Variants in SUCO observed in about 807,000 individuals in gnomAD.
SUCO encodes the protein SUN domain-containing ossification factor.
SUCO carries 57 observed loss-of-function variants against 148.1 expected under a neutral mutation model. The ratio of observed to expected loss-of-function variants is 0.38; its 90% CI spans 0.31 to 0.48. SUCO has a LOEUF of 0.48. Ranked by LOEUF, SUCO falls within the 20% of genes least tolerant of loss-of-function variation. The pLI is 0.96. For synonymous variants in SUCO, 470 were observed against 502.7 expected, an observed-to-expected ratio of 0.93 and a Z score of 0.87; for missense variants, 1,331 against 1,468.2, an observed-to-expected ratio of 0.91 and a Z score of 1.53.
intron 2 of SUCO, 129 bp downstream of exon 2, chr1:172,551,755 G>A: frequency 1.7e-6 from 1 of 590,044 alleles, no homozygotes; most frequent in Non-Finnish European, 3.0e-6. Context: ...ATTTTTCTTT[G>A]CTATTACTCA....
chr1:172,544,456 G>T (rs1652715092), intron 1 of SUCO, among the ~76,000 whole-genome samples: 1 of 152,182 alleles, frequency 6.6e-6, no homozygotes, highest in Non-Finnish European at 1.5e-5. Context: ...ATAGCCAAAG[G>T]GCTGTGGGAA....
At chr1:172,575,731 C>T in intron 11 of SUCO, 108 bp downstream of exon 11, 1 of 642,636 alleles carries the variant, frequency 1.6e-6, no homozygotes, top group Non-Finnish European at 2.7e-6. Context: ...AAATAGACTA[C>T]ACTATACCAC....
In SUCO at chr1:172,588,177, G is replaced by A. The variant is rs117911445; in HGVS notation, c.1659-583G>A. Reference sequence around the variant, plus strand: ...TAATCCTATGTGTGTAGGTGTGTGTGTGCGTTGTGTGTTTAATGCTGTATT... The same window carrying A: ...TAATCCTATGTGTGTAGGTGTGTGTATGCGTTGTGTGTTTAATGCTGTATT... On this transcript the variant is annotated intron_variant, in intron 17 of 23. Coordinates refer to ENST00000263688, the MANE Select transcript of SUCO (RefSeq NM_014283.5). 4 of 985,350 alleles carry A rather than the reference G, an allele frequency of 4.1e-6. No homozygotes were observed. The East Asian group carries it at 4.5e-4, about 112-fold the overall frequency. The allele number at this position is 985,350 out of a possible 1,614,324, so 61.0% of individuals were successfully genotyped here.
intron 10 of SUCO, 107 bp from the exon 11 acceptor site, chr1:172,575,411 G>C: frequency 1.5e-6 from 1 of 684,394 alleles, no homozygotes; most frequent in South Asian, 2.0e-5. Flanking sequence ...TGTTAAGTCA[G>C]CGTGTTCACC....
chr1:172,608,922 A>G (rs1571305084), intron 23 of SUCO, 120 bp downstream of exon 23: 5 of 722,092 alleles, frequency 6.9e-6, no homozygotes, highest in South Asian at 1.8e-5. Flanking sequence ...TTTATTTTCT[A>G]TCATGATAAT....
chr1:172,533,611 C>T (rs562162216), intron 1 of SUCO, 114 bp downstream of exon 1: 68 of 1,326,306 alleles, frequency 5.1e-5, no homozygotes, highest in Non-Finnish European at 6.6e-5. Context: ...CCAAGGCCCC[C>T]GTGGAAGGGA....
chr1:172,588,208 T>C, intron 17 of SUCO: 1 of 985,298 alleles, frequency 1.0e-6, no homozygotes, highest in Non-Finnish European at 1.2e-6. Context: ...GTATTGGAGT[T>C]CCTCAAATCA....
intron 1 of SUCO, among the ~76,000 whole-genome samples, chr1:172,546,311 G>A (rs1652851774): frequency 1.3e-5 from 2 of 152,158 alleles, no homozygotes; most frequent in Middle Eastern, 6.8e-3. Flanking sequence ...ATATTGCTAC[G>A]TTTCATGTTT....
At chr1:172,600,529 CTA>C (rs1022746482) in intron 20 of SUCO, among the ~76,000 whole-genome samples, 1 of 152,082 alleles carries the variant, frequency 6.6e-6, no homozygotes, top group African/African-American at 2.4e-5. Flanking sequence ...TATTGAGCAT[CTA>C]GTGTATGTGA....
chr1:172,560,705 C>T (rs1462130238), intron 6 of SUCO, among the ~76,000 whole-genome samples: 1 of 152,164 alleles, frequency 6.6e-6, no homozygotes, highest in Non-Finnish European at 1.5e-5. Flanking sequence ...CATGTATTCA[C>T]CTCAGTTCCA....
At chr1:172,547,577 A>G (rs1303017193) in intron 1 of SUCO, among the ~76,000 whole-genome samples, 1 of 152,190 alleles carries the variant, frequency 6.6e-6, no homozygotes, top group African/African-American at 2.4e-5. Context: ...CTCACATAAG[A>G]ACCATATTAT....
At chr1:172,557,522 A>G in intron 5 of SUCO, 105 bp downstream of exon 5, 1 of 1,508,048 alleles carries the variant, frequency 6.6e-7, no homozygotes, top group Non-Finnish European at 9.0e-7. Context: ...ATTGAGAGAA[A>G]GCTGATCTCT....
intron 18 of SUCO, chr1:172,590,156 T>G (rs948157835): frequency 3.8e-6 from 1 of 263,420 alleles, no homozygotes; most frequent in Admixed American, 6.5e-5. Flanking sequence ...ACACTTTTAT[T>G]AGGCTGGCAA....
In SUCO at chr1:172,557,812, A is replaced by G. The variant is rs1476218166; in HGVS notation, c.732+18A>G. 3 of 1,549,928 alleles carry G rather than the reference A, an allele frequency of 1.9e-6. No individual in the cohort carries two copies. Among genetic ancestry groups the G allele is most frequent in the East Asian group, 4.5e-5 (2 of 44,098 alleles). On this transcript the variant is annotated intron_variant, in intron 6 of 23. Coordinates refer to ENST00000263688, the MANE Select transcript of SUCO (RefSeq NM_014283.5). ...AAAATGAGGTAGGTATATAACTTGC[A>G]CTATCTCTTACTTCTTTATGTAATG...
Position 172,569,074 on chromosome 1 carries a change from A to G in SUCO, c.788A>G (p.Lys263Arg), listed in dbSNP as rs373614252. The G allele has an allele frequency of 1.9e-6, 3 of 1,596,830 alleles. No individual in the cohort carries two copies. The highest frequency in any genetic ancestry group is 2.3e-5 in the South Asian group (2 of 87,176). ...DIDPTSVASP[K>R]DPEDIPTFDE... ...GACCCTACATCAGTAGCAAGTCCCA[A>G]AGATCCAGAAGATATACCAACATTT... The change falls in exon 7 of 24, where the codon AAA becomes AGA. Residue 263 changes from lysine (K) to arginine (R), a missense_variant. Physicochemically the swap from Lys to Arg is conservative, Grantham distance 26 (BLOSUM62 2). This residue lies in a region of SUCO where 992 missense variants were observed against 1,093.5 expected (regional missense o/e 0.91). Coordinates refer to ENST00000263688, the MANE Select transcript of SUCO (RefSeq NM_014283.5).
intron 1 of SUCO, among the ~76,000 whole-genome samples, chr1:172,547,048 C>A (rs1372753826): frequency 3.9e-5 from 6 of 152,180 alleles, no homozygotes; most frequent in African/African-American, 1.4e-4. Context: ...CTCTCATGTC[C>A]CTTTCTGGTG....
At chr1:172,569,493 C>G (rs971311888) in intron 7 of SUCO, 1 of 982,186 alleles carries the variant, frequency 1.0e-6, no homozygotes. Flanking sequence ...TTAAAATATT[C>G]TTTAACTTAC....
chr1:172,584,281 A>G, intron 15 of SUCO: 1 of 403,220 alleles, frequency 2.5e-6, no homozygotes, highest in African/African-American at 2.2e-5. Context: ...TAGGAAAAGC[A>G]TTTGCTTTTT....
At position 172,569,062 on chromosome 1, in the gene SUCO, T is replaced by C. The variant is rs780853644; in HGVS notation, c.776T>C (p.Val259Ala). ...TKPGDIDPTS[V>A]ASPKDPEDIP... is the part of the protein sequence containing the mutation. ...CCAGGAGACATTGACCCTACATCAG[T>C]AGCAAGTCCCAAAGATCCAGAAGAT... Residue 259 changes from valine to alanine, a missense_variant, in exon 7 of 24, where the codon GTA becomes GCA. Val to Ala is a moderately conservative substitution (Grantham distance 64). Transcript: ENST00000263688. The C allele has an allele frequency of 3.9e-5, 62 of 1,599,726 alleles. 1 individual carries two copies. The South Asian group carries it at 5.5e-4, about 14-fold the overall frequency.
Sources: allele counts gnomAD v4.1 joint callset (sites outside exome capture counted in the v4.1 genomes callset), GRCh38; gene constraint gnomAD v4.1.1; regional missense constraint gnomAD v4.1.1; transcripts MANE v1.5; gene names NCBI Gene and HGNC (gene_info 2026-07-23, HGNC 2026-07-21).